DPP10: variants seen among roughly 807,000 people sequenced by gnomAD.
DPP10 encodes inactive dipeptidyl peptidase 10.
Under a neutral mutation model 120.9 loss-of-function variants are expected in DPP10, and 33 were observed. That is an observed-to-expected ratio of 0.27 (90% CI 0.21 to 0.37). DPP10 has a LOEUF of 0.37. DPP10 is among the 10% of genes least tolerant of loss of function. The pLI is 1.00. For synonymous variants in DPP10, 337 were observed against 326.1 expected (o/e 1.03, Z -0.36); for missense variants, 816 against 942.8 (o/e 0.87, Z 1.76).
At chr2:114,672,359 C>T (rs1284620061) in intron 1 of DPP10, among the ~76,000 whole-genome samples, 1 of 152,136 alleles carries the variant, frequency 6.6e-6, no homozygotes, top group Non-Finnish European at 1.5e-5. Context: ...TTCTGTCTTT[C>T]TCTTTCTCCC....
chr2:115,114,058 T>C (rs1242154666), intron 1 of DPP10, among the ~76,000 whole-genome samples: 5 of 152,204 alleles, frequency 3.3e-5, no homozygotes, highest in African/African-American at 7.2e-5. Flanking sequence ...GCTTCTGAGA[T>C]GACTTGCTGC....
intron 7 of DPP10, among the ~76,000 whole-genome samples, chr2:115,712,543 A>ATATATGTATATATATATATAT (rs56675119): frequency 1.6e-5 from 1 of 64,276 alleles, no homozygotes. Context: ...TCCTGAATTA[A>ATATATGTATATATATATATAT]ATATATATAT....
At chr2:115,298,670 T>G (rs2060994015) in intron 1 of DPP10, among the ~76,000 whole-genome samples, 1 of 152,050 alleles carries the variant, frequency 6.6e-6, no homozygotes, top group African/African-American at 2.4e-5. Context: ...TTCCCAGACT[T>G]CAGCACATAG....
chr2:114,644,225 A>C (rs1695941053), intron 1 of DPP10, among the ~76,000 whole-genome samples: 1 of 150,668 alleles, frequency 6.6e-6, no homozygotes, highest in African/African-American at 2.5e-5. Context: ...TACAGGTGTG[A>C]GCCAGCGCGC....
chr2:115,760,779 C>T (rs572635491), intron 11 of DPP10, among the ~76,000 whole-genome samples: 35 of 152,170 alleles, frequency 2.3e-4, no homozygotes, highest in East Asian at 7.7e-4. Context: ...GGTTTTTATT[C>T]GGCTGATTAG....
At chr2:115,333,333 C>T (rs1458695020) in intron 2 of DPP10, among the ~76,000 whole-genome samples, 2 of 152,044 alleles carry the variant, frequency 1.3e-5, no homozygotes, top group East Asian at 1.9e-4. Context: ...ATGTGAGATG[C>T]GTCTCCTGAA....
At chr2:115,459,244 C>T (rs926710016) in intron 3 of DPP10, among the ~76,000 whole-genome samples, 13 of 151,934 alleles carry the variant, frequency 8.6e-5, no homozygotes, top group South Asian at 2.1e-4. Flanking sequence ...GCAACCACCA[C>T]CTCCCTTGTT....
chr2:114,964,257 T>A (rs1698846357), intron 1 of DPP10, among the ~76,000 whole-genome samples: 1 of 152,152 alleles, frequency 6.6e-6, no homozygotes, highest in Non-Finnish European at 1.5e-5. Context: ...CTTCCTTTCT[T>A]CTTTTCTTAC....
chr2:114,657,631 T>A (rs1444704667), intron 1 of DPP10, among the ~76,000 whole-genome samples: 1 of 152,188 alleles, frequency 6.6e-6, no homozygotes, highest in Admixed American at 6.5e-5. Flanking sequence ...TTGTTTTTAC[T>A]AAATAACAGT....
chr2:114,988,692 C>T (rs890376856), intron 1 of DPP10, among the ~76,000 whole-genome samples: 1 of 152,138 alleles, frequency 6.6e-6, no homozygotes, highest in Admixed American at 6.5e-5. Flanking sequence ...TTCAATCTAG[C>T]TTTTTCTTCT....
At chr2:114,652,482 T>C (rs1696664527) in intron 1 of DPP10, among the ~76,000 whole-genome samples, 1 of 152,186 alleles carries the variant, frequency 6.6e-6, no homozygotes, top group Admixed American at 6.5e-5. Flanking sequence ...AAATTAGTCC[T>C]GTAGAATGTG....
intron 5 of DPP10, among the ~76,000 whole-genome samples, chr2:115,567,534 ATT>A (rs35001379): frequency 8.8e-5 from 13 of 148,102 alleles, no homozygotes; most frequent in Admixed American, 6.7e-5. Context: ...AGATTTTCTC[ATT>A]TTTTTTTTTT....
At chr2:115,086,828 C>T (rs1021506400) in intron 1 of DPP10, among the ~76,000 whole-genome samples, 1 of 99,436 alleles carries the variant, frequency 1.0e-5, no homozygotes, top group Non-Finnish European at 2.3e-5. Flanking sequence ...CAAGTTGTAC[C>T]CCAATAACCT....
chr2:114,532,286 TATATATATATACACACAC>T (rs1686070102), intron 1 of DPP10, among the ~76,000 whole-genome samples: 1 of 50,280 alleles, frequency 2.0e-5, no homozygotes, highest in African/African-American at 6.1e-5. Context: ...TATATATATA[TATATATATATACACACAC>T]ACACACACAC....
rs115184415 is a variant in DPP10 at position 114,740,759 on chromosome 2, G to A, written c.60+297921G>A. ...TATTTTTGAAGGTCTGATGTTGGAGGCAGAAACAGACTATGGACAAGTGAT... is the reference window on the plus strand; with the variant it reads ...TATTTTTGAAGGTCTGATGTTGGAGACAGAAACAGACTATGGACAAGTGAT... On this transcript the variant is annotated intron_variant, in intron 1 of 25. Coordinates refer to ENST00000410059, the MANE Select transcript of DPP10 (RefSeq NM_020868.6). 6.9e-3 allele frequency among the ~76,000 whole-genome samples: 1,048 copies of A among 152,288 alleles called. 4 individuals carry two copies. The highest frequency in any genetic ancestry group is 0.011 in the Non-Finnish European group (754 of 68,024).
At chr2:115,054,169 C>T (rs1470625740) in intron 1 of DPP10, among the ~76,000 whole-genome samples, 1 of 151,972 alleles carries the variant, frequency 6.6e-6, no homozygotes, top group East Asian at 1.9e-4. Context: ...TTCAGAAACC[C>T]GTGGAAGCTT....
intron 10 of DPP10, chr2:115,750,098 G>T: frequency 2.0e-6 from 2 of 985,374 alleles, no homozygotes; most frequent in Non-Finnish European, 2.4e-6. Context: ...GCTGGCCACT[G>T]GTCGTGGAAC....
At chr2:115,157,033 C>T (rs2051962625) in intron 1 of DPP10, among the ~76,000 whole-genome samples, 1 of 152,052 alleles carries the variant, frequency 6.6e-6, no homozygotes, top group Admixed American at 6.6e-5. Context: ...AAGAAACACA[C>T]ATCCCTTGTT....
At chr2:114,963,923 T>A (rs965503119) in intron 1 of DPP10, among the ~76,000 whole-genome samples, 1 of 152,178 alleles carries the variant, frequency 6.6e-6, no homozygotes, top group Non-Finnish European at 1.5e-5. Flanking sequence ...GAAGCAAAGA[T>A]ACAGAGAAGA....
Sources: gnomAD v4.1 joint callset for allele counts (sites outside exome capture counted in the v4.1 genomes callset) on GRCh38, gnomAD v4.1.1 for gene constraint, MANE v1.5 for transcripts, NCBI Gene and HGNC (gene_info 2026-07-23, HGNC 2026-07-21) for gene names.